STK3: variants seen among roughly 807,000 people sequenced by gnomAD.
STK3 encodes the protein serine/threonine kinase 3, also known as serine/threonine-protein kinase 3.
Under a neutral mutation model 58.0 loss-of-function variants are expected in STK3, and 41 were observed. The observed-to-expected ratio is 0.71, with a 90% CI of 0.55 to 0.92. The LOEUF is 0.92. Among genes scored for constraint, STK3 ranks in the 40% least tolerant of loss-of-function variants. The pLI is 0.00. For missense variants in STK3, 479 were observed against 602.7 expected, an observed-to-expected ratio of 0.79 and a Z score of 2.15; for synonymous variants, 170 against 191.0, an observed-to-expected ratio of 0.89 and a Z score of 0.91.
At chr8:98,617,626 G>T (rs902578828) in intron 6 of STK3, among the ~76,000 whole-genome samples, 13 of 151,834 alleles carry the variant, frequency 8.6e-5, no homozygotes, top group African/African-American at 3.1e-4. Context: ...AATGATAAAG[G>T]GGATATCACC....
At chr8:98,721,668 TA>T (rs1051043347) in intron 4 of STK3, among the ~76,000 whole-genome samples, 2 of 150,878 alleles carry the variant, frequency 1.3e-5, no homozygotes, top group Non-Finnish European at 1.5e-5. Context: ...TTCACAAAAC[TA>T]AAAAAAAGAG....
At chr8:98,649,595 A>G (rs1338023213) in intron 6 of STK3, among the ~76,000 whole-genome samples, 1 of 152,228 alleles carries the variant, frequency 6.6e-6, no homozygotes, top group Non-Finnish European at 1.5e-5. Flanking sequence ...CATTTATCAT[A>G]TTAAATTCCC....
intron 4 of STK3, among the ~76,000 whole-genome samples, chr8:98,713,086 C>T (rs1002467959): frequency 2.0e-5 from 3 of 152,136 alleles, no homozygotes; most frequent in East Asian, 3.9e-4. Flanking sequence ...TTGAAACCAA[C>T]AAGAACAAAG....
intron 3 of STK3, among the ~76,000 whole-genome samples, chr8:98,764,004 T>C (rs1830790340): frequency 6.6e-6 from 1 of 152,238 alleles, no homozygotes; most frequent in South Asian, 2.1e-4. Context: ...TCCTATCTTT[T>C]AGCATTTTAG....
chr8:98,462,608 T>A (rs1221892220), intron 10 of STK3, among the ~76,000 whole-genome samples: 3 of 151,966 alleles, frequency 2.0e-5, no homozygotes, highest in Admixed American at 6.6e-5. Context: ...GCTACATATA[T>A]CGCTAGGTCT....
intron 1 of STK3, among the ~76,000 whole-genome samples, chr8:98,916,758 CT>C (rs1554702137): frequency 6.6e-6 from 1 of 152,186 alleles, no homozygotes. Context: ...ATGTCTGCCC[CT>C]CGTGCAGCTT....
At chr8:98,897,626 T>C (rs543811824) in intron 1 of STK3, among the ~76,000 whole-genome samples, 1 of 152,174 alleles carries the variant, frequency 6.6e-6, no homozygotes, top group East Asian at 1.9e-4. Flanking sequence ...AAAAAAGTCT[T>C]TTTATCCTCT....
Position 98,588,175 on chromosome 8 carries a change from T to G in STK3, c.822+7857A>C, listed in dbSNP as rs535359781. Among the ~76,000 whole-genome samples the G allele has an allele frequency of 6.9e-3, 1,047 of 152,264 alleles. 9 individuals carry two copies. Among genetic ancestry groups the G allele is most frequent in the African/African-American group, 0.023 (953 of 41,518 alleles). ...GCTGGTTATTTTGCTCGTTAGTTGA[T>G]GCAGTTTCTTCCTAGTCTCGATGGT... On this transcript the variant is annotated intron_variant, in intron 7 of 10. Coordinates refer to ENST00000419617, the MANE Select transcript of STK3 (RefSeq NM_006281.4).
chr8:98,405,855 C>T (rs1244270006), intron 3 of STK3, among the ~76,000 whole-genome samples: 3 of 152,140 alleles, frequency 2.0e-5, no homozygotes, highest in Non-Finnish European at 4.4e-5. Context: ...CATCAGATCT[C>T]GTGAGACTTA....
chr8:98,802,890 CTGTG>C (rs1361228821), intron 1 of STK3, among the ~76,000 whole-genome samples: 1 of 152,212 alleles, frequency 6.6e-6, no homozygotes, highest in Admixed American at 6.5e-5. Context: ...ATGTGAGCAT[CTGTG>C]TGTGTATGTG....
At chr8:98,822,570 A>G (rs781214471) in intron 1 of STK3, among the ~76,000 whole-genome samples, 1 of 152,234 alleles carries the variant, frequency 6.6e-6, no homozygotes, top group Non-Finnish European at 1.5e-5. Flanking sequence ...ATTCAGTGAA[A>G]TATCTCAGGC....
intron 1 of STK3, among the ~76,000 whole-genome samples, chr8:98,792,959 G>A (rs1004505124): frequency 2.0e-5 from 3 of 151,912 alleles, no homozygotes; most frequent in African/African-American, 4.8e-5. Context: ...GTGTATGTGT[G>A]TGTGTATGTA....
rs1835748949 is a variant in STK3 at position 98,836,385 on chromosome 8, G to T, written c.110+47262C>A. On this transcript the variant is annotated intron_variant, in intron 3 of 12. Coordinates refer to the STK3 transcript ENST00000523601. ...TAAACAGCTTCCTCAGACCTCTTTT[G>T]TAAGGGACAAATTCCATTAATGAGG... Among the ~76,000 whole-genome samples the T allele has an allele frequency of 2.0e-5, 3 of 152,176 alleles. No homozygotes were observed. In the South Asian group the frequency reaches 6.2e-4, roughly 32 times the overall value.
intron 6 of STK3, among the ~76,000 whole-genome samples, chr8:98,700,345 C>T (rs536194971): frequency 1.2e-3 from 178 of 152,342 alleles, no homozygotes; most frequent in African/African-American, 3.0e-3. Context: ...CGCCCTGCTT[C>T]GGCTCGCGCA....
At chr8:98,841,125 T>C (rs1194063216) in intron 3 of STK3, among the ~76,000 whole-genome samples, 1 of 152,158 alleles carries the variant, frequency 6.6e-6, no homozygotes, top group African/African-American at 2.4e-5. Context: ...GCAAGCAAAA[T>C]GGAAGTCACA....
the STK3 span, among the ~76,000 whole-genome samples, chr8:98,364,703 A>G: frequency 6.6e-6 from 1 of 152,056 alleles, no homozygotes; most frequent in Admixed American, 6.5e-5. Flanking sequence ...CCTCCTAGGG[A>G]GAGAGGAGGT....
At chr8:98,658,962 C>T (rs1821757943) in intron 6 of STK3, among the ~76,000 whole-genome samples, 1 of 152,000 alleles carries the variant, frequency 6.6e-6, no homozygotes, top group Non-Finnish European at 1.5e-5. Flanking sequence ...CATTTTAGTC[C>T]TTTAGATATG....
At chr8:98,354,515 A>C in the STK3 span, among the ~76,000 whole-genome samples, 1 of 152,322 alleles carries the variant, frequency 6.6e-6, no homozygotes, top group South Asian at 2.1e-4. Flanking sequence ...TGATGATTTC[A>C]TCAACTTGCT....
At position 98,526,662 on chromosome 8, in the gene STK3, T is replaced by C. The variant is rs951873373; in HGVS notation, c.1317+80A>G. The C allele has an allele frequency of 5.7e-6, 7 of 1,232,742 alleles. No individual in the cohort carries two copies. In the African/African-American group the frequency reaches 7.5e-5, roughly 13 times the overall value. The allele number at this position is 1,232,742 out of a possible 1,614,324, so 76.4% of individuals were successfully genotyped here. A position where few individuals can be genotyped will look rare whatever the true frequency, so the allele number is the denominator to read the frequency against. ...TGTATATACATACACACAGTTCATA[T>C]ACATATGAACTATGCTTCTCAATTT... On this transcript the variant is annotated intron_variant, in intron 10 of 10. Coordinates refer to ENST00000419617, the MANE Select transcript of STK3 (RefSeq NM_006281.4).
Sources: allele counts gnomAD v4.1 joint callset (sites outside exome capture counted in the v4.1 genomes callset), GRCh38; gene constraint gnomAD v4.1.1; transcripts MANE v1.5; gene names NCBI Gene and HGNC (gene_info 2026-07-23, HGNC 2026-07-21).